WEE2: variants seen among roughly 807,000 people sequenced by gnomAD.
WEE2 encodes the protein WEE2 oocyte meiosis inhibiting kinase.
In WEE2, 50 loss-of-function variants were observed where a neutral mutation model predicts 60.1. The observed-to-expected ratio is 0.83, with a 90% CI of 0.66 to 1.05. The LOEUF (loss-of-function observed/expected upper bound fraction) is 1.05, where lower values mean the gene tolerates loss of function less well. Ranked by LOEUF, WEE2 falls within the 50% of genes least tolerant of loss-of-function variation. The probability of loss-of-function intolerance (pLI) is 0.00; values close to 1 mark genes in which losing one functional copy is unlikely to be tolerated. For missense variants in WEE2, 631 were observed against 684.3 expected (o/e 0.92, Z 0.87); for synonymous variants, 240 against 241.0 (o/e 1.00, Z 0.04).
intron 10 of WEE2, 28 bp from the exon 11 acceptor site, chr7:141,729,503 C>G (rs1414693388): frequency 6.2e-7 from 1 of 1,614,094 alleles, no homozygotes; most frequent in East Asian, 2.2e-5. Flanking sequence ...GATCAAGTAG[C>G]CTTTGCTTTT....
In WEE2 at chr7:141,711,279, A is replaced by C. The variant is rs1798706965; in HGVS notation, c.342+2179A>C. Among the ~76,000 whole-genome samples the C allele has an allele frequency of 6.6e-6, 1 of 152,232 alleles. No homozygotes were observed. The highest frequency in any genetic ancestry group is 1.5e-5 in the Non-Finnish European group (1 of 68,046). On this transcript the variant is annotated intron_variant, in intron 1 of 11. Coordinates refer to ENST00000397541, the MANE Select transcript of WEE2 (RefSeq NM_001105558.1). This position sits in a 1 kb window ranked among gnomAD's most constrained non-coding sequence, Gnocchi z 4.2. The stretch of plus-strand genomic sequence containing the variant: ...AGGCCATGGGTGGAGATAAGGTCAC[A>C]TAGCCTGAGTGCCAGAGTAAGGAGA...
chr7:141,718,419 C>T lies in WEE2; in HGVS notation c.586-653C>T, dbSNP rs372170358. Among the ~76,000 whole-genome samples the T allele has an allele frequency of 1.2e-3, 183 of 152,172 alleles. 1 individual carries two copies. Among genetic ancestry groups the T allele is most frequent in the African/African-American group, 4.0e-3 (168 of 41,512 alleles). ...GAAGAGTGTTGCCATGATCTTCATC[C>T]TACAGATAGGAAAACTGAAAGGAGT... On this transcript the variant is annotated intron_variant, in intron 3 of 11. Coordinates refer to ENST00000397541, the MANE Select transcript of WEE2 (RefSeq NM_001105558.1).
At chr7:141,730,090 T>C (rs1799112340) in intron 11 of WEE2, among the ~76,000 whole-genome samples, 1 of 151,466 alleles carries the variant, frequency 6.6e-6, no homozygotes, top group African/African-American at 2.4e-5. Context: ...TCTTATAAAA[T>C]GAAAAAATTA....
In WEE2 at chr7:141,708,779, C is replaced by T. The variant is rs1245796382; in HGVS notation, c.21C>T (p.Asp7=). The change falls in exon 1 of 12, where the codon GAC becomes GAT. Residue 7 remains aspartate (D), a synonymous_variant. Transcript: ENST00000397541. ...CTGAGATGGATGACAAAGATATTGACAAAGAACTAAGGCAGAAATTAAACT... is the reference window on the plus strand; with the variant it reads ...CTGAGATGGATGACAAAGATATTGATAAAGAACTAAGGCAGAAATTAAACT... MDDKDI[D]KELRQKLNFS... is the part of the protein sequence containing the mutation. The T allele has an allele frequency of 3.1e-6, 5 of 1,613,526 alleles. No individual in the cohort carries two copies. The South Asian group carries it at 4.4e-5, about 14-fold the overall frequency.
chr7:141,714,257 A>G lies in WEE2; in HGVS notation c.391A>G (p.Arg131Gly), dbSNP rs747194410. Residue 131 changes from arginine (R) to glycine (G), a missense_variant, in exon 2 of 12, where the codon AGA (arginine) becomes GGA (glycine). Transcript: ENST00000397541. ...TTCTCCAACAGGGAAGCTTCCTTCC[A>G]GAGGCCCTAAGCATTTGAAGCTCAC... ...VISPTGKLPS[R>G]GPKHLKLTPA... 3.7e-6 allele frequency: 6 copies of G among 1,613,626 alleles called. No individual in the cohort carries two copies. Among genetic ancestry groups the G allele is most frequent in the Non-Finnish European group, 5.1e-6 (6 of 1,179,792 alleles).
intron 4 of WEE2, 27 bp downstream of exon 4, chr7:141,719,271 A>T (rs1286772908): frequency 1.3e-6 from 2 of 1,547,038 alleles, no homozygotes; most frequent in Non-Finnish European, 1.8e-6. Context: ...TGCACTAAAA[A>T]TATAAACTTA....
chr7:141,710,960 G>A (rs969378588), intron 1 of WEE2, among the ~76,000 whole-genome samples: 2 of 152,170 alleles, frequency 1.3e-5, no homozygotes, highest in African/African-American at 4.8e-5. Context: ...GAGCCTGGAG[G>A]TAGAGCAGTA....
rs528607794 is a variant in WEE2, at chr7:141,711,518, T to C, written c.342+2418T>C. 6.6e-6 allele frequency among the ~76,000 whole-genome samples: 1 copy of C among 152,332 alleles called. No homozygotes were observed. The highest frequency in any genetic ancestry group is 2.4e-5 in the African/African-American group (1 of 41,580). On this transcript the variant is annotated intron_variant, in intron 1 of 11. Coordinates refer to ENST00000397541, the MANE Select transcript of WEE2 (RefSeq NM_001105558.1). The surrounding 1 kb of genome is among the most constrained non-coding windows in gnomAD (Gnocchi z 4.2). Reference sequence around the variant, plus strand: ...GGCTTAGTCAGTCTTGTCCAAGGGATGGAACCAAAAATCATGTGAAATTCA... The same window carrying C: ...GGCTTAGTCAGTCTTGTCCAAGGGACGGAACCAAAAATCATGTGAAATTCA...
rs746218585 is a variant in WEE2, at chr7:141,721,022, T to C, written c.846T>C (p.Asp282=). ...GTTACTATTCCTCATGGGCAGAAGA[T>C]GACCACATGATCATTCAGAATGAAT... is the stretch of plus-strand genomic sequence containing the variant. ...VVRYYSSWAE[D]DHMIIQNEYC... The change falls in exon 5 of 12, where the codon GAT becomes GAC. Residue 282 remains aspartate, a synonymous_variant. Coordinates refer to ENST00000397541, the MANE Select transcript of WEE2 (RefSeq NM_001105558.1). 29 of 1,614,118 alleles carry C rather than the reference T, an allele frequency of 1.8e-5. 1 individual carries two copies. Among genetic ancestry groups the C allele is most frequent in the Middle Eastern group, 3.3e-4 (2 of 6,084 alleles).
At chr7:141,722,300 G>A (rs1798927780) in intron 5 of WEE2, among the ~76,000 whole-genome samples, 2 of 152,188 alleles carry the variant, frequency 1.3e-5, no homozygotes, top group South Asian at 4.1e-4. Flanking sequence ...AGCTACTGGG[G>A]ATGCTGAGGC....
At chr7:141,725,989 T>C (rs1166946482) in intron 9 of WEE2, among the ~76,000 whole-genome samples, 1 of 152,220 alleles carries the variant, frequency 6.6e-6, no homozygotes, top group African/African-American at 2.4e-5. Flanking sequence ...GACTACTTTA[T>C]TGATAATTGA....
At chr7:141,709,882 T>C (rs186227615) in intron 1 of WEE2, among the ~76,000 whole-genome samples, 130 of 152,256 alleles carry the variant, frequency 8.5e-4, no homozygotes, top group African/African-American at 3.1e-3. Context: ...TCTGGTGCCA[T>C]GGTGTGTGAG....
intron 2 of WEE2, among the ~76,000 whole-genome samples, 176 bp from the exon 3 acceptor site, chr7:141,716,046 G>A (rs1469434209): frequency 6.6e-6 from 1 of 152,050 alleles, no homozygotes; most frequent in African/African-American, 2.4e-5. Flanking sequence ...TGGTATCCTT[G>A]TTATCTTATC....
rs1165864028 is a variant in WEE2, at chr7:141,727,345, A to G, written c.1434A>G (p.Ala478=). Residue 478 remains alanine (A), a synonymous_variant, in exon 10 of 12, where the codon GCA becomes GCG. Coordinates refer to ENST00000397541, the MANE Select transcript of WEE2 (RefSeq NM_001105558.1). ...QPDAEQRPSA[A]ALARNTVLRP... is the part of the protein sequence containing the mutation. ...ATGCCGAACAGAGACCTTCTGCAGC[A>G]GCTCTGGCCAGAAATACAGTTCTCC... 3 of 1,614,184 alleles carry G rather than the reference A, an allele frequency of 1.9e-6. No homozygotes were observed. The South Asian group carries it at 3.3e-5, about 18-fold the overall frequency.
intron 1 of WEE2, among the ~76,000 whole-genome samples, chr7:141,710,763 C>G (rs975873926): frequency 1.3e-5 from 2 of 152,096 alleles, no homozygotes; most frequent in African/African-American, 4.8e-5. Context: ...TGGAAAACAG[C>G]ATGTTATTCA....
intron 9 of WEE2, among the ~76,000 whole-genome samples, chr7:141,725,612 G>A (rs570525619): frequency 6.9e-4 from 94 of 136,140 alleles, no homozygotes; most frequent in Admixed American, 5.2e-3. Flanking sequence ...GCGACAGAGC[G>A]AGACTCCGTC....
intron 9 of WEE2, among the ~76,000 whole-genome samples, 162 bp downstream of exon 9, chr7:141,725,358 G>A (rs1798995415): frequency 6.6e-6 from 1 of 152,166 alleles, no homozygotes; most frequent in African/African-American, 2.4e-5. Context: ...CAGGCATGGT[G>A]GCTCACACCT....
At chr7:141,718,693 CTTTCA>C in intron 3 of WEE2, among the ~76,000 whole-genome samples, 1 of 152,228 alleles carries the variant, frequency 6.6e-6, no homozygotes, top group East Asian at 1.9e-4. Context: ...GAAGGGGGGT[CTTTCA>C]TTTCTTTTAA....
At position 141,724,194 on chromosome 7, in the gene WEE2, C is replaced by A; in HGVS notation, c.1140C>A (p.Asp380Glu). ...LSANVMYKIG[D>E]LGHATSINKP... ...TTTCCTTTTTCTTTTTTTTAGGTGA[C>A]CTGGGCCACGCAACATCAATAAACA... The change falls in exon 8 of 12, where the codon GAC (aspartate) becomes GAA (glutamate). Residue 380 changes from aspartate to glutamate, a missense_variant. By Grantham distance (45) the Asp-to-Glu change is conservative (BLOSUM62 2). Coordinates refer to ENST00000397541, the MANE Select transcript of WEE2 (RefSeq NM_001105558.1). 6.2e-7 allele frequency: 1 copy of A among 1,607,832 alleles called. No homozygotes were observed. Among genetic ancestry groups the A allele is most frequent in the Non-Finnish European group, 8.5e-7 (1 of 1,178,560 alleles).
Sources: allele counts gnomAD v4.1 joint callset (sites outside exome capture counted in the v4.1 genomes callset), GRCh38; gene constraint gnomAD v4.1.1; non-coding constraint Gnocchi (gnomAD v3.1); transcripts MANE v1.5; gene names NCBI Gene and HGNC (gene_info 2026-07-23, HGNC 2026-07-21).